CAMKK2: variants seen among roughly 807,000 people sequenced by gnomAD.
CAMKK2 encodes calcium/calmodulin-dependent protein kinase kinase 2.
CAMKK2 carries 30 observed loss-of-function variants against 67.2 expected under a neutral mutation model. That is an observed-to-expected ratio of 0.45 (90% CI 0.33 to 0.61). CAMKK2 has a LOEUF of 0.61. Ranked by LOEUF, CAMKK2 falls within the 20% of genes least tolerant of loss-of-function variation. The pLI is 0.02. For synonymous variants in CAMKK2, 322 were observed against 326.2 expected, an observed-to-expected ratio of 0.99 and a Z score of 0.14; for missense variants, 643 against 802.0, an observed-to-expected ratio of 0.80 and a Z score of 2.39.
At chr12:121,242,245 G>C (rs570103953) in intron 16 of CAMKK2, among the ~76,000 whole-genome samples, 19 of 151,772 alleles carry the variant, frequency 1.3e-4, no homozygotes, top group Non-Finnish European at 2.6e-4. Flanking sequence ...TGAGGCAGGA[G>C]AATCGCTTGA....
Position 121,240,227 on chromosome 12 carries a change from G to A in CAMKK2, c.*472C>T. 1.7e-6 allele frequency: 1 copy of A among 597,640 alleles called. No individual in the cohort carries two copies. The highest frequency in any genetic ancestry group is 2.9e-6 in the Non-Finnish European group (1 of 340,532). The allele number at this position is 597,640 out of a possible 1,614,324, so 37.0% of individuals were successfully genotyped here. A position where few individuals can be genotyped will look rare whatever the true frequency, so the allele number is the denominator to read the frequency against. ...AGACCACGGCTCTGGAAGGTGCCAT[G>A]GTTTCCGGTTTGCACTAGGAGCCAC... On this transcript the variant is annotated 3_prime_UTR_variant, in exon 17 of 17. Coordinates refer to ENST00000404169, the MANE Select transcript of CAMKK2 (RefSeq NM_001270485.2). This position sits in a 1 kb window ranked among gnomAD's most constrained non-coding sequence, Gnocchi z 4.4.
At chr12:121,265,679 C>G (rs1179703819) in intron 5 of CAMKK2, among the ~76,000 whole-genome samples, 1 of 151,964 alleles carries the variant, frequency 6.6e-6, no homozygotes, top group South Asian at 2.1e-4. Context: ...CCATCCTGGC[C>G]AAACCCCGTC....
Position 121,240,895 on chromosome 12 carries a change from T to G in CAMKK2, c.1597-26A>C, listed in dbSNP as rs1346790159. The G allele has an allele frequency of 1.2e-6, 2 of 1,610,242 alleles. No homozygotes were observed. The highest frequency in any genetic ancestry group is 8.5e-7 in the Non-Finnish European group (1 of 1,179,332). Reference sequence around the variant, plus strand: ...CTGCTCACCGAACAGAAAACCAACATTAAGACTCTGAGAAATGCCAGCGAG... The same window carrying G: ...CTGCTCACCGAACAGAAAACCAACAGTAAGACTCTGAGAAATGCCAGCGAG... On this transcript the variant is annotated intron_variant, in intron 16 of 16. Coordinates refer to ENST00000404169, the MANE Select transcript of CAMKK2 (RefSeq NM_001270485.2). The surrounding 1 kb of genome is among the most constrained non-coding windows in gnomAD (Gnocchi z 4.4).
In CAMKK2 at chr12:121,253,543, T is replaced by C; in HGVS notation, c.908-71A>G. ...TCGTGAGCACCTCTATGCGGCCACA[T>C]GGCCTGGAGACACAGGCATGGCACC... On this transcript the variant is annotated intron_variant, in intron 9 of 16. Coordinates refer to ENST00000404169, the MANE Select transcript of CAMKK2 (RefSeq NM_001270485.2). The surrounding 1 kb of genome is among the most constrained non-coding windows in gnomAD (Gnocchi z 5.0). 1 of 1,310,552 alleles carries C rather than the reference T, an allele frequency of 7.6e-7. No individual in the cohort carries two copies. The highest frequency in any genetic ancestry group is 1.1e-6 in the Non-Finnish European group (1 of 907,398). 81.2% of individuals were successfully genotyped at this position (1,310,552 alleles called of 1,614,324 possible).
At chr12:121,252,611 C>G in intron 11 of CAMKK2, 50 bp downstream of exon 11, 2 of 1,560,986 alleles carry the variant, frequency 1.3e-6, no homozygotes, top group Non-Finnish European at 1.8e-6. Context: ...TGACTATTAA[C>G]CCAGGGGCCA....
intron 7 of CAMKK2, among the ~76,000 whole-genome samples, chr12:121,257,572 C>G (rs187654958): frequency 1.3e-5 from 2 of 152,178 alleles, no homozygotes; most frequent in East Asian, 3.9e-4. Flanking sequence ...TTTCAAAGCT[C>G]TCCAAGGGCT....
Position 121,245,065 on chromosome 12 carries a change from T to A in CAMKK2, c.1553+75A>T. ...CACTTCAGGGAGGACCTGTGCAGAG[T>A]GGTCTGGGCAGGGCTGCCCCAAGCC... On this transcript the variant is annotated intron_variant, in intron 15 of 16. Transcript: ENST00000404169. The surrounding 1 kb of genome is among the most constrained non-coding windows in gnomAD (Gnocchi z 5.8). 2 of 987,590 alleles carry A rather than the reference T, an allele frequency of 2.0e-6. No individual in the cohort carries two copies. The highest frequency in any genetic ancestry group is 1.6e-6 in the Non-Finnish European group (1 of 636,840). 61.2% of individuals were successfully genotyped at this position (987,590 alleles called of 1,614,324 possible).
Position 121,240,786 on chromosome 12 carries a change from G to C in CAMKK2, c.1680C>G (p.Pro560=). The change falls in exon 17 of 17, where the codon CCC becomes CCG. Residue 560 remains proline, a synonymous_variant. Transcript: ENST00000404169. This position sits in a 1 kb window ranked among gnomAD's most constrained non-coding sequence, Gnocchi z 4.4. ...GGGSALVRGS[P]CVESCWAPAP... ...CGGGGGCCCAGCAACTTTCCACGCAGGGACTGCCTCTCACAAGAGCACTTC... is the reference window on the plus strand; with the variant it reads ...CGGGGGCCCAGCAACTTTCCACGCACGGACTGCCTCTCACAAGAGCACTTC... The C allele has an allele frequency of 6.2e-7, 1 of 1,609,560 alleles. No homozygotes were observed. Among genetic ancestry groups the C allele is most frequent in the Non-Finnish European group, 8.5e-7 (1 of 1,179,046 alleles).
At position 121,247,065 on chromosome 12, in the gene CAMKK2, C is replaced by T. The variant is rs71454683; in HGVS notation, c.1452+1541G>A. ...CTCTTGGAGTAAACATGTAAAACCT[C>T]GCCACACCCTCCCTCCACCTTCCTT... On this transcript the variant is annotated intron_variant, in intron 14 of 16. Transcript: ENST00000404169. 6.2e-4 allele frequency among the ~76,000 whole-genome samples: 94 copies of T among 152,142 alleles called. 1 individual carries two copies. The highest frequency in any genetic ancestry group is 2.1e-3 in the African/African-American group (87 of 41,530).
At chr12:121,282,972 C>A (rs962316830) in intron 1 of CAMKK2, among the ~76,000 whole-genome samples, 1 of 152,160 alleles carries the variant, frequency 6.6e-6, no homozygotes, top group East Asian at 1.9e-4. Context: ...TCAGGCTGGT[C>A]TCAAACTACT....
chr12:121,274,852 G>A (rs12230889), intron 1 of CAMKK2, among the ~76,000 whole-genome samples: 2 of 139,176 alleles, frequency 1.4e-5, no homozygotes, highest in African/African-American at 5.5e-5. Context: ...CTGTTGCCCA[G>A]GCTGGAGTAC....
chr12:121,259,561 T>C (rs902241970), intron 7 of CAMKK2, among the ~76,000 whole-genome samples: 3 of 152,152 alleles, frequency 2.0e-5, no homozygotes, highest in Non-Finnish European at 4.4e-5. Context: ...CTGCTGTATC[T>C]CCCCAAACTT....
chr12:121,260,603 C>T, intron 6 of CAMKK2: 1 of 539,618 alleles, frequency 1.9e-6, no homozygotes, highest in Non-Finnish European at 3.2e-6. Flanking sequence ...CAGGAGGTCG[C>T]AAAAGGGAGG....
At chr12:121,257,006 T>C (rs1892426304) in intron 7 of CAMKK2, among the ~76,000 whole-genome samples, 1 of 116,352 alleles carries the variant, frequency 8.6e-6, no homozygotes, top group Non-Finnish European at 1.8e-5. Flanking sequence ...AATACAAGGC[T>C]GTACTTTAGG....
At chr12:121,289,538 C>T (rs1899532872) in intron 1 of CAMKK2, among the ~76,000 whole-genome samples, 1 of 152,182 alleles carries the variant, frequency 6.6e-6, no homozygotes, top group Admixed American at 6.5e-5. Context: ...TGCTTTCCAT[C>T]CCATAACCTG....
intron 1 of CAMKK2, among the ~76,000 whole-genome samples, chr12:121,278,771 C>G (rs776540966): frequency 6.6e-6 from 1 of 152,202 alleles, no homozygotes; most frequent in African/African-American, 2.4e-5. Context: ...TGCCCAGTCT[C>G]GGGTATGTCT....
At chr12:121,270,743 T>G (rs533883424) in intron 3 of CAMKK2, among the ~76,000 whole-genome samples, 155 bp downstream of exon 3, 36 of 152,224 alleles carry the variant, frequency 2.4e-4, no homozygotes, top group African/African-American at 7.7e-4. Flanking sequence ...AAAACAAAAC[T>G]AAACCAAAAA....
At chr12:121,263,192 A>G (rs1893826533) in intron 6 of CAMKK2, among the ~76,000 whole-genome samples, 1 of 152,158 alleles carries the variant, frequency 6.6e-6, no homozygotes, top group Non-Finnish European at 1.5e-5. Context: ...AAGTATGAGA[A>G]CGGCTGATCT....
chr12:121,263,137 T>A (rs1893815800), intron 6 of CAMKK2, among the ~76,000 whole-genome samples: 1 of 152,078 alleles, frequency 6.6e-6, no homozygotes, highest in Non-Finnish European at 1.5e-5. Context: ...GCCCAGCTAA[T>A]TTTTTTGTAT....
Sources: gnomAD v4.1 joint callset for allele counts (sites outside exome capture counted in the v4.1 genomes callset) on GRCh38, gnomAD v4.1.1 for gene constraint, Gnocchi (gnomAD v3.1) non-coding constraint, MANE v1.5 for transcripts, NCBI Gene and HGNC (gene_info 2026-07-23, HGNC 2026-07-21) for gene names.